DAD1: variants seen among roughly 807,000 people sequenced by gnomAD.
DAD1 encodes defender against cell death 1.
A neutral mutation model predicts 9.0 loss-of-function variants in DAD1; 4 were observed. The ratio of observed to expected loss-of-function variants is 0.44; its 90% CI spans 0.22 to 1.01. DAD1 has a LOEUF of 1.01. DAD1 is among the 50% of genes least tolerant of loss of function. The pLI, the probability that DAD1 is intolerant of heterozygous loss-of-function variation, is 0.24. For synonymous variants in DAD1, 60 were observed against 62.5 expected (o/e 0.96, Z 0.19); for missense variants, 119 against 137.3 (o/e 0.87, Z 0.67).
chr14:22,575,844 G>A (rs533988097), intron 1 of DAD1, among the ~76,000 whole-genome samples: 1 of 152,168 alleles, frequency 6.6e-6, no homozygotes, highest in South Asian at 2.1e-4. Context: ...ACCGTGCCCG[G>A]ACAAAACTTA....
At chr14:22,569,976 A>C (rs1194133829) in intron 2 of DAD1, among the ~76,000 whole-genome samples, 1 of 152,170 alleles carries the variant, frequency 6.6e-6, no homozygotes, top group East Asian at 1.9e-4. Context: ...ACATAAAAAA[A>C]TATATAATTA....
chr14:22,586,344 G>C (rs1488272395), intron 1 of DAD1, among the ~76,000 whole-genome samples: 2 of 151,818 alleles, frequency 1.3e-5, no homozygotes, highest in African/African-American at 4.8e-5. Context: ...TCAGGAGTTT[G>C]AGACCAGCCT....
chr14:22,576,101 TCCTCC>T (rs1371079353), intron 1 of DAD1, among the ~76,000 whole-genome samples: 4 of 152,082 alleles, frequency 2.6e-5, no homozygotes, highest in Non-Finnish European at 5.9e-5. Flanking sequence ...ACCCAAGCGA[TCCTCC>T]CACCTCAGCC....
At chr14:22,569,841 A>T (rs1334508330) in intron 2 of DAD1, among the ~76,000 whole-genome samples, 1 of 152,250 alleles carries the variant, frequency 6.6e-6, no homozygotes, top group East Asian at 1.9e-4. Context: ...AATGAAAGGT[A>T]AAGAACTAAT....
chr14:22,570,852 C>T (rs1462112607), intron 2 of DAD1, among the ~76,000 whole-genome samples: 1 of 152,138 alleles, frequency 6.6e-6, no homozygotes, highest in Non-Finnish European at 1.5e-5. Context: ...GAGCTGAGCA[C>T]ATTTTCAAGC....
chr14:22,577,440 T>C (rs1013762505), intron 1 of DAD1, among the ~76,000 whole-genome samples: 6 of 151,502 alleles, frequency 4.0e-5, no homozygotes, highest in African/African-American at 1.5e-4. Flanking sequence ...ATCTGGGAGG[T>C]TGGGAGGGTG....
intron 2 of DAD1, among the ~76,000 whole-genome samples, chr14:22,568,022 C>A (rs182099195): frequency 1.4e-4 from 22 of 151,920 alleles, no homozygotes; most frequent in African/African-American, 4.8e-4. Flanking sequence ...TAATGAAAAC[C>A]CTCTAACATG....
At chr14:22,578,227 T>C (rs2037091592) in intron 1 of DAD1, among the ~76,000 whole-genome samples, 1 of 145,662 alleles carries the variant, frequency 6.9e-6, no homozygotes, top group South Asian at 2.2e-4. Flanking sequence ...CACTCTAGCA[T>C]GGGCAACAAG....
rs113477152 is a variant in DAD1 at position 22,589,186 on chromosome 14, C to G, written c.-29G>C. On this transcript the variant is annotated 5_prime_UTR_variant, in exon 1 of 3. Coordinates refer to ENST00000250498, the MANE Select transcript of DAD1 (RefSeq NM_001344.4). ...TGCACGCAAGGTACTCCGGTCCGCG[C>G]CCCAAACTCTTGGAGGACCCGTCGA... is the stretch of plus-strand genomic sequence containing the variant. 10 of 1,611,894 alleles carry G rather than the reference C, an allele frequency of 6.2e-6. No individual in the cohort carries two copies. The highest frequency in any genetic ancestry group is 5.0e-5 in the Admixed American group (3 of 59,964).
intron 1 of DAD1, among the ~76,000 whole-genome samples, chr14:22,585,941 T>C (rs1415721417): frequency 6.6e-6 from 1 of 151,786 alleles, no homozygotes; most frequent in Non-Finnish European, 1.5e-5. Context: ...GTGTGGTGGC[T>C]CACGCCTGTA....
chr14:22,580,018 G>A (rs1230522110), intron 1 of DAD1, among the ~76,000 whole-genome samples: 1 of 151,492 alleles, frequency 6.6e-6, no homozygotes, highest in African/African-American at 2.4e-5. Context: ...TTTTTTGTTT[G>A]TTTTTGGTAA....
intron 1 of DAD1, among the ~76,000 whole-genome samples, chr14:22,576,487 G>A (rs750891941): frequency 1.2e-4 from 19 of 152,042 alleles, no homozygotes; most frequent in South Asian, 2.1e-4. Context: ...ACCTAAATCC[G>A]AAATGGATAA....
In DAD1 at chr14:22,575,131, T is replaced by C; in HGVS notation, c.314A>G (p.His105Arg). The C allele has an allele frequency of 6.2e-7, 1 of 1,614,112 alleles. No homozygotes were observed. Among genetic ancestry groups the C allele is most frequent in the Non-Finnish European group, 8.5e-7 (1 of 1,179,976 alleles). ...GCCAACAAAGTTCATGACAACAAGG[T>C]GCAGGATGGTGCTGGCAAAGAGAAA... ...ADFLFASTIL[H>R]LVVMNFVG Residue 105 changes from histidine (H) to arginine (R), a missense_variant, in exon 2 of 3, where the codon CAC (histidine) becomes CGC (arginine). By Grantham distance (29) the His-to-Arg change is conservative. Transcript: ENST00000250498.
Position 22,589,125 on chromosome 14 carries a change from C to T in DAD1, c.33G>A (p.Arg11=). Residue 11 remains arginine, a synonymous_variant, in exon 1 of 3, where the codon CGG becomes CGA. Transcript: ENST00000250498. Reference sequence around the variant, plus strand: ...TGGAGCTCAAGTACTCTTCTAAGAACCGCGAAATGACAGACACTACCGACG... The same window carrying T: ...TGGAGCTCAAGTACTCTTCTAAGAATCGCGAAATGACAGACACTACCGACG... MSASVVSVIS[R]FLEEYLSSTP... 6.2e-7 allele frequency: 1 copy of T among 1,614,240 alleles called. No homozygotes were observed. The highest frequency in any genetic ancestry group is 8.5e-7 in the Non-Finnish European group (1 of 1,180,046).
intron 2 of DAD1, among the ~76,000 whole-genome samples, chr14:22,574,676 T>A (rs1232512454): frequency 1.3e-5 from 2 of 152,172 alleles, no homozygotes; most frequent in African/African-American, 4.8e-5. Context: ...ATGAAAACAA[T>A]GGTCCAGCAT....
rs71115558 is a variant in DAD1, at chr14:22,571,313, CA to C, written c.*44+3745del. On this transcript the variant is annotated intron_variant, in intron 2 of 2. Transcript: ENST00000250498. ...TGGGCAAGACAGTAAGACTCTGTCT[CA>C]AAAAAAAAAAAAAAAGAATTTCACA... Among the ~76,000 whole-genome samples, 87 of 115,328 alleles carry C rather than the reference CA, an allele frequency of 7.5e-4. 2 individuals are homozygous for C. Among genetic ancestry groups the C allele is most frequent in the Admixed American group, 9.8e-4 (11 of 11,264 alleles). The allele number at this position is 115,328 out of a possible 152,430, so 75.7% of individuals were successfully genotyped here.
chr14:22,580,497 G>GA (rs999031688), intron 1 of DAD1, among the ~76,000 whole-genome samples: 1 of 151,498 alleles, frequency 6.6e-6, no homozygotes, highest in African/African-American at 2.4e-5. Context: ...TTAGAATCTA[G>GA]AAAAAAATCT....
intron 2 of DAD1, 59 bp downstream of exon 2, chr14:22,575,000 C>T: frequency 6.9e-7 from 1 of 1,443,156 alleles, no homozygotes; most frequent in South Asian, 1.3e-5. Context: ...AAACCAGTCC[C>T]ATCCAATTTC....
chr14:22,578,613 AG>A (rs1230688337), intron 1 of DAD1, among the ~76,000 whole-genome samples: 3 of 152,222 alleles, frequency 2.0e-5, no homozygotes, highest in Non-Finnish European at 4.4e-5. Context: ...ATGTACAAAA[AG>A]CTTAAAACTT....
Sources: allele counts gnomAD v4.1 joint callset (sites outside exome capture counted in the v4.1 genomes callset), GRCh38; gene constraint gnomAD v4.1.1; transcripts MANE v1.5; gene names NCBI Gene and HGNC (gene_info 2026-07-23, HGNC 2026-07-21).